Variants in ZC3H3 observed in about 807,000 individuals in gnomAD.
ZC3H3 encodes zinc finger CCCH-type containing 3.
ZC3H3 carries 36 observed loss-of-function variants against 77.3 expected under a neutral mutation model. The ratio of observed to expected loss-of-function variants is 0.47; its 90% CI spans 0.36 to 0.61. The LOEUF (loss-of-function observed/expected upper bound fraction) is 0.61, where lower values mean the gene tolerates loss of function less well. ZC3H3 is among the 20% of genes least tolerant of loss of function. The probability of loss-of-function intolerance (pLI) is 0.00; values close to 1 mark genes in which losing one functional copy is unlikely to be tolerated. For missense variants in ZC3H3, 1,331 were observed against 1,312.2 expected, an observed-to-expected ratio of 1.01 and a Z score of -0.22; for synonymous variants, 626 against 555.2, an observed-to-expected ratio of 1.13 and a Z score of -1.79.
At chr8:143,504,193 G>GCT (rs1375161463) in intron 4 of ZC3H3, among the ~76,000 whole-genome samples, 1 of 152,186 alleles carries the variant, frequency 6.6e-6, no homozygotes, top group Non-Finnish European at 1.5e-5. Flanking sequence ...AGGGCCTGGG[G>GCT]CTCTCCAACC....
chr8:143,451,060 T>A (rs4874129), intron 9 of ZC3H3, among the ~76,000 whole-genome samples: 1 of 151,978 alleles, frequency 6.6e-6, no homozygotes, highest in Admixed American at 6.6e-5. Context: ...GTGGGGCTGC[T>A]GTGGGGGACT....
intron 4 of ZC3H3, among the ~76,000 whole-genome samples, chr8:143,498,759 C>T (rs1377453134): frequency 5.5e-5 from 3 of 54,518 alleles, no homozygotes; most frequent in East Asian, 1.2e-3. Flanking sequence ...GGGTACAGGG[C>T]GGGGCGGAGG....
chr8:143,538,560 G>C lies in ZC3H3; in HGVS notation c.807C>G (p.His269Gln), dbSNP rs1403970842. ...LLGDRRVDAG[H>Q]TDQPVPSGSV... Reference sequence around the variant, plus strand: ...AGCCAGACGGAACTGGCTGATCTGTGTGGCCAGCATCTACTCTCCTGTCCC... The same window carrying C: ...AGCCAGACGGAACTGGCTGATCTGTCTGGCCAGCATCTACTCTCCTGTCCC... Residue 269 changes from histidine to glutamine, a missense_variant, in exon 2 of 12, where the codon CAC (histidine) becomes CAG (glutamine). His to Gln is a conservative substitution (Grantham distance 24, BLOSUM62 0). Transcript: ENST00000262577. 1 of 1,611,280 alleles carries C rather than the reference G, an allele frequency of 6.2e-7. No homozygotes were observed. The highest frequency in any genetic ancestry group is 1.3e-5 in the African/African-American group (1 of 74,954).
intron 3 of ZC3H3, chr8:143,523,454 C>T (rs1822315397): frequency 1.0e-6 from 1 of 985,292 alleles, no homozygotes; most frequent in South Asian, 4.7e-5. Flanking sequence ...GTGGTGTTTG[C>T]AGCCATCTTG....
intron 2 of ZC3H3, among the ~76,000 whole-genome samples, chr8:143,536,661 A>G (rs1194884779): frequency 1.3e-5 from 2 of 152,098 alleles, no homozygotes; most frequent in African/African-American, 4.8e-5. Flanking sequence ...TTGGATCCAC[A>G]ATCCCAGATG....
rs759716089 is a variant in ZC3H3 at position 143,538,712 on chromosome 8, C to A, written c.655G>T (p.Val219Phe). ...GDSPREPRRT[V>F]SESVIAVKAS... ...TTGACGGCAATCACACTCTCACTGACTGTCCGGCGGGGCTCCCGGGGGCTG... is the reference window on the plus strand; with the variant it reads ...TTGACGGCAATCACACTCTCACTGAATGTCCGGCGGGGCTCCCGGGGGCTG... Residue 219 changes from valine to phenylalanine, a missense_variant, in exon 2 of 12, where the codon GTC (valine) becomes TTC (phenylalanine). Coordinates refer to ENST00000262577, the MANE Select transcript of ZC3H3 (RefSeq NM_015117.3). 1 of 1,609,022 alleles carries A rather than the reference C, an allele frequency of 6.2e-7. No homozygotes were observed. Among genetic ancestry groups the A allele is most frequent in the South Asian group, 1.1e-5 (1 of 91,058 alleles).
chr8:143,523,965 C>T (rs901593605), intron 3 of ZC3H3, among the ~76,000 whole-genome samples: 3 of 152,222 alleles, frequency 2.0e-5, no homozygotes, highest in African/African-American at 4.8e-5. Context: ...GCCAAGCCCC[C>T]GGGGCAGCCT....
chr8:143,506,679 G>A (rs1326052291), intron 4 of ZC3H3, among the ~76,000 whole-genome samples: 1 of 152,242 alleles, frequency 6.6e-6, no homozygotes, highest in Non-Finnish European at 1.5e-5. Flanking sequence ...ATTGCCTCCA[G>A]AAAACTCAGC....
chr8:143,507,953 G>T (rs1821757815), intron 3 of ZC3H3, 54 bp from the exon 4 acceptor site: 1 of 1,490,406 alleles, frequency 6.7e-7, no homozygotes, highest in Non-Finnish European at 9.0e-7. Flanking sequence ...GGCAAGGGTA[G>T]GGTCAGAGAG....
In ZC3H3 at chr8:143,462,479, C is replaced by G. The variant is rs917798934; in HGVS notation, c.2307+3238G>C. ...AAAGCAAGGCACCAACAGAGAAGCG[C>G]TGTATGTGAACAAAACCAAGACAGG... On this transcript the variant is annotated intron_variant, in intron 9 of 11. Transcript: ENST00000262577. This position sits in a 1 kb window ranked among gnomAD's most constrained non-coding sequence, Gnocchi z 4.7. Among the ~76,000 whole-genome samples the G allele has an allele frequency of 2.0e-5, 3 of 152,238 alleles. No individual in the cohort carries two copies. The highest frequency in any genetic ancestry group is 7.2e-5 in the African/African-American group (3 of 41,466).
intron 11 of ZC3H3, among the ~76,000 whole-genome samples, chr8:143,438,628 C>T (rs954689778): frequency 2.0e-5 from 3 of 152,164 alleles, no homozygotes; most frequent in Non-Finnish European, 4.4e-5. Context: ...CAGTTCCCCA[C>T]AGCGGGGAAG....
intron 4 of ZC3H3, among the ~76,000 whole-genome samples, chr8:143,476,070 G>C (rs958367219): frequency 6.6e-6 from 1 of 152,186 alleles, no homozygotes; most frequent in African/African-American, 2.4e-5. Context: ...CTTGGCACCT[G>C]GGCTGAGGCT....
chr8:143,473,384 C>T (rs574398547), intron 5 of ZC3H3, among the ~76,000 whole-genome samples: 52 of 152,270 alleles, frequency 3.4e-4, no homozygotes, highest in Middle Eastern at 3.4e-3. Flanking sequence ...CACGAGTCTG[C>T]GTATTTACAC....
chr8:143,531,993 T>C (rs1005448092), intron 3 of ZC3H3, among the ~76,000 whole-genome samples: 3 of 152,262 alleles, frequency 2.0e-5, no homozygotes, highest in Non-Finnish European at 2.9e-5. Context: ...GCCAGGGAAA[T>C]TGATTGAACG....
chr8:143,507,381 C>T (rs1472137473), intron 4 of ZC3H3, among the ~76,000 whole-genome samples: 1 of 152,260 alleles, frequency 6.6e-6, no homozygotes, highest in East Asian at 1.9e-4. Flanking sequence ...CCACCAGAAG[C>T]TTCTCCCCGA....
chr8:143,445,695 TC>T (rs546076631), intron 9 of ZC3H3, among the ~76,000 whole-genome samples: 24 of 144,102 alleles, frequency 1.7e-4, no homozygotes, highest in African/African-American at 6.2e-4. Context: ...CCTGTCTCTG[TC>T]TCTTAAAAAA....
rs189526368 is a variant in ZC3H3 at position 143,501,826 on chromosome 8, C to T, written c.1715+5920G>A. ...GGGTGTTACGTTAGGATTCATCCCACGGTCCTCTGACTGGCACACCCTTTG... is the reference window on the plus strand; with the variant it reads ...GGGTGTTACGTTAGGATTCATCCCATGGTCCTCTGACTGGCACACCCTTTG... On this transcript the variant is annotated intron_variant, in intron 4 of 11. Transcript: ENST00000262577. Among the ~76,000 whole-genome samples the T allele has an allele frequency of 4.3e-3, 649 of 152,328 alleles. 2 individuals carry two copies. The highest frequency in any genetic ancestry group is 9.7e-3 in the South Asian group (47 of 4,828).
intron 3 of ZC3H3, among the ~76,000 whole-genome samples, chr8:143,534,639 TCCCCAACCCCTCC>T (rs1456244258): frequency 1.0e-5 from 1 of 95,780 alleles, no homozygotes; most frequent in Non-Finnish European, 2.5e-5. Context: ...GCTGGACACC[TCCCCAACCCCTCC>T]TCCCCAAGTG....
rs75507134 is a variant in ZC3H3, at chr8:143,533,550, C to T, written c.1561+2707G>A. Among the ~76,000 whole-genome samples, 2,610 of 152,272 alleles carry T rather than the reference C, an allele frequency of 0.017. 81 individuals are homozygous for T. The highest frequency in any genetic ancestry group is 0.06 in the African/African-American group (2,480 of 41,536). The stretch of plus-strand genomic sequence containing the variant: ...CCTTCACTGCAGTATCCCCAGGAGC[C>T]GGCAGGCTGCCAGGCACAGTGACTC... On this transcript the variant is annotated intron_variant, in intron 3 of 11. Coordinates refer to ENST00000262577, the MANE Select transcript of ZC3H3 (RefSeq NM_015117.3). This position sits in a 1 kb window ranked among gnomAD's most constrained non-coding sequence, Gnocchi z 4.0.
Sources: allele counts gnomAD v4.1 joint callset (sites outside exome capture counted in the v4.1 genomes callset), GRCh38; gene constraint gnomAD v4.1.1; non-coding constraint Gnocchi (gnomAD v3.1); transcripts MANE v1.5; gene names NCBI Gene and HGNC (gene_info 2026-07-23, HGNC 2026-07-21).